The following SCFD2 variants were observed in gnomAD, a reference collection of about 807,000 sequenced individuals.
SCFD2 encodes the protein sec1 family domain containing 2.
A neutral mutation model predicts 58.9 loss-of-function variants in SCFD2; 54 were observed. The observed-to-expected ratio is 0.92, with a 90% CI of 0.74 to 1.15. The LOEUF (loss-of-function observed/expected upper bound fraction) is 1.15, where lower values mean the gene tolerates loss of function less well. Ranked by LOEUF, SCFD2 falls within the 50% of genes most tolerant of loss-of-function variation. SCFD2 has a pLI of 0.00. For synonymous variants in SCFD2, 321 were observed against 335.9 expected (o/e 0.96, Z 0.49); for missense variants, 805 against 836.6 (o/e 0.96, Z 0.47).
intron 3 of SCFD2, among the ~76,000 whole-genome samples, chr4:53,289,504 A>C (rs1355043679): frequency 1.3e-5 from 2 of 152,168 alleles, no homozygotes; most frequent in Non-Finnish European, 2.9e-5. Flanking sequence ...AAAAGGAATC[A>C]AGGCTTAGTA....
chr4:53,212,611 T>C (rs1248929213), intron 4 of SCFD2, among the ~76,000 whole-genome samples: 4 of 149,040 alleles, frequency 2.7e-5, no homozygotes, highest in East Asian at 2.0e-4. Context: ...TGTGTGTGCA[T>C]GTGGTGTCTG....
At chr4:52,875,849 T>C (rs949517939) in intron 8 of SCFD2, among the ~76,000 whole-genome samples, 2 of 88,648 alleles carry the variant, frequency 2.3e-5, no homozygotes, top group Non-Finnish European at 4.6e-5. Context: ...TATATATATA[T>C]ATATATAGTT....
In SCFD2 at chr4:52,983,776, G is replaced by T. The variant is rs116666646; in HGVS notation, c.1562-62906C>A. Among the ~76,000 whole-genome samples, 902 of 152,184 alleles carry T rather than the reference G, an allele frequency of 5.9e-3. 1 individual carries two copies. The highest frequency in any genetic ancestry group is 0.034 in the Middle Eastern group (10 of 294). ...TGCCCTCTGCTGGAAAGAATCAAGA[G>T]GAACTAGAGTGACAAACCCTCTCCT... is the stretch of plus-strand genomic sequence containing the variant. On this transcript the variant is annotated intron_variant, in intron 5 of 8. Coordinates refer to ENST00000401642, the MANE Select transcript of SCFD2 (RefSeq NM_152540.4).
intron 4 of SCFD2, among the ~76,000 whole-genome samples, chr4:53,248,048 G>A (rs868522841): frequency 3.9e-5 from 6 of 152,160 alleles, no homozygotes; most frequent in South Asian, 2.1e-4. Flanking sequence ...GACAGTGGGC[G>A]CAGGTCAGTG....
intron 5 of SCFD2, among the ~76,000 whole-genome samples, chr4:53,066,948 T>C (rs1723680036): frequency 6.6e-6 from 1 of 152,060 alleles, no homozygotes; most frequent in South Asian, 2.1e-4. Flanking sequence ...CTGATGATGC[T>C]CATTCCTGCC....
At chr4:52,985,562 A>C (rs1347494865) in intron 5 of SCFD2, among the ~76,000 whole-genome samples, 1 of 151,942 alleles carries the variant, frequency 6.6e-6, no homozygotes, top group Non-Finnish European at 1.5e-5. Flanking sequence ...ATAGCAGCAT[A>C]TTATAAAACC....
intron 5 of SCFD2, among the ~76,000 whole-genome samples, chr4:53,063,348 G>A (rs1723568990): frequency 6.6e-6 from 1 of 152,044 alleles, no homozygotes. Context: ...TACAACTTAT[G>A]CCCCAATGTA....
intron 4 of SCFD2, among the ~76,000 whole-genome samples, chr4:53,252,804 T>G (rs4391098): frequency 0.47 from 71,953 of 151,796 alleles, 18,257 homozygotes; most frequent in Admixed American, 0.56. Context: ...AACCTAGGCA[T>G]TACCATTCAG....
At chr4:53,229,643 T>C (rs1005605683) in intron 4 of SCFD2, among the ~76,000 whole-genome samples, 2 of 152,168 alleles carry the variant, frequency 1.3e-5, no homozygotes, top group East Asian at 1.9e-4. Context: ...AAGACTTACA[T>C]GTTAGACCTA....
chr4:53,292,772 T>C (rs895857436), intron 3 of SCFD2, among the ~76,000 whole-genome samples: 2 of 152,168 alleles, frequency 1.3e-5, no homozygotes, highest in East Asian at 1.9e-4. Flanking sequence ...TGCAGCACTA[T>C]TCACAATAGC....
chr4:53,145,961 T>TA (rs757457448), intron 4 of SCFD2, among the ~76,000 whole-genome samples: 2 of 152,232 alleles, frequency 1.3e-5, no homozygotes, highest in South Asian at 4.1e-4. Flanking sequence ...GCAGCATCTA[T>TA]ATATCCAAAT....
At chr4:53,297,263 G>A (rs1005170872) in intron 3 of SCFD2, among the ~76,000 whole-genome samples, 1 of 152,152 alleles carries the variant, frequency 6.6e-6, no homozygotes, top group African/African-American at 2.4e-5. Flanking sequence ...CTATTATTGT[G>A]TGGGAGTCTA....
intron 5 of SCFD2, among the ~76,000 whole-genome samples, chr4:52,992,749 G>A (rs1394557644): frequency 2.6e-5 from 4 of 151,846 alleles, no homozygotes; most frequent in Admixed American, 6.6e-5. Context: ...CCCTCCGCCC[G>A]GCAGCCGCCC....
intron 4 of SCFD2, among the ~76,000 whole-genome samples, chr4:53,210,144 A>G (rs1728563671): frequency 6.6e-6 from 1 of 152,074 alleles, no homozygotes; most frequent in African/African-American, 2.4e-5. Flanking sequence ...CCCATAATAG[A>G]TATCTGTACT....
In SCFD2 at chr4:52,965,244, C is replaced by A. The variant is rs1394928402; in HGVS notation, c.1562-44374G>T. ...ATTAGGTAGACTATAAAAGCCCCCC[C>A]GCAAAAAATGATGGGCCTAAGAGTG... On this transcript the variant is annotated intron_variant, in intron 5 of 8. Coordinates refer to ENST00000401642, the MANE Select transcript of SCFD2 (RefSeq NM_152540.4). Among the ~76,000 whole-genome samples, 6 of 152,076 alleles carry A rather than the reference C, an allele frequency of 3.9e-5. No homozygotes were observed. The East Asian group carries it at 1.2e-3, about 29-fold the overall frequency.
At chr4:52,995,147 T>C (rs1208292366) in intron 5 of SCFD2, among the ~76,000 whole-genome samples, 1 of 152,186 alleles carries the variant, frequency 6.6e-6, no homozygotes, top group African/African-American at 2.4e-5. Flanking sequence ...CTTACCATAA[T>C]GTAGAATCAG....
rs367579197 is a variant in SCFD2 at position 53,281,961 on chromosome 4, G to A, written c.1136-7960C>T. Among the ~76,000 whole-genome samples the A allele has an allele frequency of 5.1e-4, 78 of 152,030 alleles. 1 individual carries two copies. In the East Asian group the frequency reaches 0.014, roughly 27 times the overall value. On this transcript the variant is annotated intron_variant, in intron 3 of 8. Coordinates refer to ENST00000401642, the MANE Select transcript of SCFD2 (RefSeq NM_152540.4). ...TTATTCCATAACCATAGTAAATTAC[G>A]GTATTACTAAACTATTATGTGCTTT...
chr4:52,939,957 CTGT>C (rs964328360), intron 5 of SCFD2, among the ~76,000 whole-genome samples: 2 of 152,208 alleles, frequency 1.3e-5, no homozygotes, highest in African/African-American at 2.4e-5. Flanking sequence ...CTCTGCTCTG[CTGT>C]TAACAGCAGT....
At chr4:53,155,907 C>A (rs1385576612) in intron 4 of SCFD2, among the ~76,000 whole-genome samples, 1 of 152,146 alleles carries the variant, frequency 6.6e-6, no homozygotes, top group African/African-American at 2.4e-5. Flanking sequence ...CATTCTTTAC[C>A]TTTTTCACTG....
Sources: gnomAD v4.1 joint callset for allele counts (sites outside exome capture counted in the v4.1 genomes callset) on GRCh38, gnomAD v4.1.1 for gene constraint, MANE v1.5 for transcripts, NCBI Gene and HGNC (gene_info 2026-07-23, HGNC 2026-07-21) for gene names.